The following SI variants were observed in gnomAD, a reference collection of about 807,000 sequenced individuals.
The protein encoded by SI is sucrase-isomaltase, intestinal.
Under a neutral mutation model 253.3 loss-of-function variants are expected in SI, and 235 were observed. The ratio of observed to expected loss-of-function variants is 0.93; its 90% confidence interval spans 0.83 to 1.03. The LOEUF is 1.03. Among genes scored for constraint, SI ranks in the 50% least tolerant of loss-of-function variants. SI has a pLI of 0.00. For synonymous variants in SI, 819 were observed against 712.0 expected, an observed-to-expected ratio of 1.15 and a Z score of -2.39; for missense variants, 2,442 against 2,211.1, an observed-to-expected ratio of 1.10 and a Z score of -2.09.
At chr3:164,999,470 A>C (rs1320892712) in intron 37 of SI, among the ~76,000 whole-genome samples, 1 of 151,722 alleles carries the variant, frequency 6.6e-6, no homozygotes, top group Non-Finnish European at 1.5e-5. Flanking sequence ...GTTGGAAATA[A>C]AAATTTTATT....
chr3:165,018,883 A>T (rs1719171349), intron 28 of SI, among the ~76,000 whole-genome samples: 1 of 151,816 alleles, frequency 6.6e-6, no homozygotes, highest in Non-Finnish European at 1.5e-5. Flanking sequence ...ATATAAATGC[A>T]AGCTGTTTGA....
At chr3:165,073,171 TCTCTCTCTCTCTCTCTCTCTC>T in intron 3 of SI, among the ~76,000 whole-genome samples, 1 of 364 alleles carries the variant, frequency 2.7e-3, no homozygotes. Flanking sequence ...TTCAATCATT[TCTCTCTCTCTCTCTCTCTCTC>T]TCTCTCTCTC....
intron 26 of SI, among the ~76,000 whole-genome samples, chr3:165,022,046 C>T (rs1711650433): frequency 6.6e-6 from 1 of 151,494 alleles, no homozygotes; most frequent in Non-Finnish European, 1.5e-5. Context: ...GTACTTTAAA[C>T]TGCATTTTGC....
rs775933206 is a variant in SI, at chr3:165,023,569, C to A, written c.3099+1G>T. The A allele has an allele frequency of 3.1e-6, 5 of 1,606,852 alleles. No individual in the cohort carries two copies. Among genetic ancestry groups the A allele is most frequent in the African/African-American group, 1.3e-5 (1 of 74,578 alleles). ...TTTGGGGTAGTTTATATCAAGCATA[C>A]CTTAAACTGCAACATATCATTTTTG... On this transcript the variant is annotated splice_donor_variant, in intron 26 of 47. Transcript: ENST00000264382. LOFTEE classifies it high-confidence loss of function.
At chr3:165,075,866 T>C (rs1224442595) in intron 2 of SI, 29 bp downstream of exon 2, 5 of 1,283,134 alleles carry the variant, frequency 3.9e-6, no homozygotes, top group Non-Finnish European at 5.7e-6. Context: ...TTCACGATAA[T>C]GTAGCCATGC....
At position 165,036,555 on chromosome 3, in the gene SI, C is replaced by G. The variant is rs142657891; in HGVS notation, c.2427-78G>C. The G allele has an allele frequency of 7.3e-4, 707 of 968,472 alleles. 8 individuals are homozygous for G. The East Asian group carries it at 0.018, about 24-fold the overall frequency. The allele number at this position is 968,472 out of a possible 1,614,324, so 60.0% of individuals were successfully genotyped here. ...CAATATCCTATAAACAAGTCCACTTCAACCTGTCTGTTTTATGGGCCCTGA... is the reference window on the plus strand; with the variant it reads ...CAATATCCTATAAACAAGTCCACTTGAACCTGTCTGTTTTATGGGCCCTGA... On this transcript the variant is annotated intron_variant, in intron 21 of 47. Transcript: ENST00000264382.
chr3:165,051,306 T>C (rs1713416684), intron 13 of SI, among the ~76,000 whole-genome samples: 1 of 152,100 alleles, frequency 6.6e-6, no homozygotes, highest in African/African-American at 2.4e-5. Flanking sequence ...GAAAAAAGAA[T>C]AGATTTGTTA....
chr3:165,077,756 G>A (rs1297067501), intron 1 of SI, among the ~76,000 whole-genome samples: 1 of 151,568 alleles, frequency 6.6e-6, no homozygotes, highest in East Asian at 1.9e-4. Context: ...AATGAGAATT[G>A]TGCTTTCCTT....
chr3:165,062,639 T>C (rs1304031913), intron 8 of SI, among the ~76,000 whole-genome samples, 156 bp from the exon 9 acceptor site: 2 of 151,954 alleles, frequency 1.3e-5, no homozygotes, highest in Non-Finnish European at 2.9e-5. Context: ...AGGAATAACA[T>C]AGGAAAAAAG....
chr3:165,074,845 G>C (rs1185605199), intron 2 of SI, among the ~76,000 whole-genome samples, 178 bp from the exon 3 acceptor site: 1 of 151,964 alleles, frequency 6.6e-6, no homozygotes, highest in Non-Finnish European at 1.5e-5. Context: ...AAAAGGAAAA[G>C]ATCCAATCAT....
In SI at chr3:164,994,282, T is replaced by C; in HGVS notation, c.4816A>G (p.Thr1606Ala). The C allele has an allele frequency of 6.2e-7, 1 of 1,611,090 alleles. No individual in the cohort carries two copies. The highest frequency in any genetic ancestry group is 8.5e-7 in the Non-Finnish European group (1 of 1,177,930). Residue 1606 changes from threonine to alanine, a missense_variant, in exon 41 of 48, where the codon ACT becomes GCT. By Grantham distance (58) the Thr-to-Ala change is moderately conservative. Coordinates refer to ENST00000264382, the MANE Select transcript of SI (RefSeq NM_001041.4). ...TCATGCAAAAGGGGTCGGATAACAG[T>C]GCCACCATTAGCATGAATTTCATGC... ...QMHEIHANGGTVIRPLLHEFF... is the reference protein window; with the variant it reads ...QMHEIHANGGAVIRPLLHEFF...
At chr3:165,044,274 T>C (rs185001373) in intron 16 of SI, among the ~76,000 whole-genome samples, 1 of 152,150 alleles carries the variant, frequency 6.6e-6, no homozygotes, top group East Asian at 1.9e-4. Context: ...CTTGTGAATA[T>C]GTAAAAAACA....
intron 16 of SI, among the ~76,000 whole-genome samples, chr3:165,044,926 C>T (rs1487195104): frequency 6.6e-6 from 1 of 151,960 alleles, no homozygotes; most frequent in Non-Finnish European, 1.5e-5. Flanking sequence ...GTTTATTGTG[C>T]ATGGTGTGAG....
rs1230060595 is a variant in SI at position 164,978,942 on chromosome 3, C to T, written c.*420G>A. 1 of 152,634 alleles carries T rather than the reference C, an allele frequency of 6.6e-6. No individual in the cohort carries two copies. The highest frequency in any genetic ancestry group is 1.5e-5 in the Non-Finnish European group (1 of 68,500). The allele number at this position is 152,634 out of a possible 1,614,324, so 9.5% of individuals were successfully genotyped here. A position where few individuals can be genotyped will look rare whatever the true frequency, so the allele number is the denominator to read the frequency against. ...CTCTTTTTCTAATTAAATGCACATA[C>T]TAAGAAGTAATTAAATCTTCAAATA... On this transcript the variant is annotated 3_prime_UTR_variant, in exon 48 of 48. Coordinates refer to ENST00000264382, the MANE Select transcript of SI (RefSeq NM_001041.4).
intron 35 of SI, among the ~76,000 whole-genome samples, chr3:165,008,767 A>T (rs1210618409): frequency 6.6e-6 from 1 of 151,942 alleles, no homozygotes; most frequent in Non-Finnish European, 1.5e-5. Context: ...TTCCTCCGGA[A>T]ATTGAAATAT....
chr3:165,050,095 T>G (rs557802352), intron 13 of SI, among the ~76,000 whole-genome samples: 159 of 152,204 alleles, frequency 1.0e-3, no homozygotes, highest in African/African-American at 3.6e-3. Context: ...CAAAATGTAG[T>G]TCATGTGTCT....
upstream of SI, among the ~76,000 whole-genome samples, chr3:165,080,756 G>A (rs544264128): frequency 6.6e-6 from 1 of 152,132 alleles, no homozygotes; most frequent in East Asian, 1.9e-4. Flanking sequence ...CTGTCATGAG[G>A]TGGAGGAAGG....
chr3:165,070,064 G>A (rs145356891), intron 3 of SI, among the ~76,000 whole-genome samples: 301 of 145,306 alleles, frequency 2.1e-3, no homozygotes, highest in African/African-American at 7.0e-3. Context: ...ACACACACAC[G>A]TATATAATAT....
In SI at chr3:165,062,492, T is replaced by C; in HGVS notation, c.908-9A>G. On this transcript the variant is annotated splice_polypyrimidine_tract_variant and intron_variant, in intron 8 of 47. Coordinates refer to ENST00000264382, the MANE Select transcript of SI (RefSeq NM_001041.4). ...AGGCTGGATAAAAATCTCTGCAAAA[T>C]AAAATTGGTAAACTTATATGTAAAT... The C allele has an allele frequency of 7.4e-7, 1 of 1,356,194 alleles. No individual in the cohort carries two copies. Among genetic ancestry groups the C allele is most frequent in the Non-Finnish European group, 1.1e-6 (1 of 946,154 alleles). The allele number at this position is 1,356,194 out of a possible 1,614,324, so 84.0% of individuals were successfully genotyped here.
Sources: gnomAD v4.1 joint callset for allele counts (sites outside exome capture counted in the v4.1 genomes callset) on GRCh38, gnomAD v4.1.1 for gene constraint, MANE v1.5 for transcripts, NCBI Gene and HGNC (gene_info 2026-07-23, HGNC 2026-07-21) for gene names.